Variants in CSMD1 observed in about 807,000 individuals in gnomAD.
The protein encoded by CSMD1 is CUB and sushi domain-containing protein 1.
A neutral mutation model predicts 417.5 loss-of-function variants in CSMD1; 213 were observed. The ratio of observed to expected loss-of-function variants is 0.51; its 90% CI spans 0.46 to 0.57. CSMD1 has a LOEUF of 0.57. Among genes scored for constraint, CSMD1 ranks in the 20% least tolerant of loss-of-function variants. CSMD1 has a pLI of 0.00. For missense variants in CSMD1, 6,923 were observed against 4,529.7 expected (o/e 1.53, Z -15.17); for synonymous variants, 2,862 against 1,736.8 (o/e 1.65, Z -16.11).
rs747666674 is a variant in CSMD1 at position 3,644,724 on chromosome 8, T to G, written c.1010-27927A>C. 3.1e-4 allele frequency among the ~76,000 whole-genome samples: 47 copies of G among 152,142 alleles called. 1 individual carries two copies. The highest frequency in any genetic ancestry group is 5.4e-4 in the Non-Finnish European group (37 of 68,006). ...AGTTACAGGGTTTATTTGTGGGGCC[T>G]GTCAGGGGGGTGCAGTGCCAGCAGA... On this transcript the variant is annotated intron_variant, in intron 7 of 69. Coordinates refer to ENST00000635120, the MANE Select transcript of CSMD1 (RefSeq NM_033225.6).
intron 1 of CSMD1, among the ~76,000 whole-genome samples, chr8:4,662,551 G>C (rs1315346712): frequency 6.6e-6 from 1 of 152,162 alleles, no homozygotes; most frequent in African/African-American, 2.4e-5. Flanking sequence ...CGTCTCCCTG[G>C]AGAATGCTAA....
chr8:3,454,364 G>A (rs550611411), intron 12 of CSMD1, among the ~76,000 whole-genome samples: 2 of 152,280 alleles, frequency 1.3e-5, no homozygotes, highest in South Asian at 4.1e-4. Context: ...TATGATGTTA[G>A]CTGGTTATTT....
At chr8:3,738,069 T>C (rs908336388) in intron 6 of CSMD1, among the ~76,000 whole-genome samples, 3 of 152,232 alleles carry the variant, frequency 2.0e-5, no homozygotes, top group Admixed American at 6.5e-5. Context: ...CTAATGTAAA[T>C]GATTACTATA....
At chr8:3,209,441 C>T (rs905473703) in intron 30 of CSMD1, among the ~76,000 whole-genome samples, 2 of 151,984 alleles carry the variant, frequency 1.3e-5, no homozygotes, top group South Asian at 2.1e-4. Flanking sequence ...CTCAGCCTCC[C>T]GAGTAGCTGG....
intron 5 of CSMD1, among the ~76,000 whole-genome samples, chr8:3,757,866 A>G (rs1797747479): frequency 6.6e-6 from 1 of 151,500 alleles, no homozygotes; most frequent in Non-Finnish European, 1.5e-5. Context: ...CAAACAAACA[A>G]ACAAAAAAAA....
intron 3 of CSMD1, among the ~76,000 whole-genome samples, chr8:4,209,767 G>A (rs1160136045): frequency 6.6e-6 from 1 of 152,152 alleles, no homozygotes; most frequent in Non-Finnish European, 1.5e-5. Flanking sequence ...TACACCATAG[G>A]CCATGTGCCC....
intron 41 of CSMD1, among the ~76,000 whole-genome samples, chr8:3,119,861 G>A (rs1817094671): frequency 1.3e-5 from 2 of 152,168 alleles, no homozygotes; most frequent in Admixed American, 1.3e-4. Flanking sequence ...TCAGCGCCAG[G>A]CAACACAATG....
chr8:4,510,231 G>GAGTC (rs1802740961), intron 2 of CSMD1, among the ~76,000 whole-genome samples: 1 of 151,846 alleles, frequency 6.6e-6, no homozygotes. Flanking sequence ...GTGGAACTGT[G>GAGTC]AGTCAATTAA....
At chr8:4,359,514 C>G (rs545033178) in intron 3 of CSMD1, among the ~76,000 whole-genome samples, 2 of 152,182 alleles carry the variant, frequency 1.3e-5, no homozygotes, top group Non-Finnish European at 2.9e-5. Flanking sequence ...CTTCCCCAAC[C>G]TTGCAAATAG....
At chr8:3,368,024 C>T (rs1156357476) in intron 19 of CSMD1, among the ~76,000 whole-genome samples, 1 of 152,106 alleles carries the variant, frequency 6.6e-6, no homozygotes, top group Non-Finnish European at 1.5e-5. Context: ...AGCATATGAC[C>T]TCATAGTAAC....
chr8:3,707,184 T>C (rs1161324660), intron 7 of CSMD1, among the ~76,000 whole-genome samples: 1 of 152,226 alleles, frequency 6.6e-6, no homozygotes, highest in Non-Finnish European at 1.5e-5. Context: ...GTGATAAAGA[T>C]GTAGGTCAAT....
At chr8:4,397,150 T>A (rs1470427596) in intron 3 of CSMD1, among the ~76,000 whole-genome samples, 3 of 152,158 alleles carry the variant, frequency 2.0e-5, no homozygotes, top group African/African-American at 7.2e-5. Flanking sequence ...GCAATCACTC[T>A]CATTTCTACG....
chr8:4,227,491 G>A (rs1364483753), intron 3 of CSMD1, among the ~76,000 whole-genome samples: 1 of 152,084 alleles, frequency 6.6e-6, no homozygotes, highest in Non-Finnish European at 1.5e-5. Context: ...CTGTGCCCTT[G>A]AGGCTGGAGG....
At chr8:4,239,284 ACTT>A (rs1387703830) in intron 3 of CSMD1, among the ~76,000 whole-genome samples, 34 of 152,316 alleles carry the variant, frequency 2.2e-4, no homozygotes, top group Admixed American at 7.2e-4. Flanking sequence ...TGTTGCATCA[ACTT>A]CTTCTTTTTG....
intron 50 of CSMD1, 117 bp downstream of exon 50, chr8:3,052,345 C>G (rs532823705): frequency 1.5e-6 from 1 of 682,180 alleles, no homozygotes; most frequent in Non-Finnish European, 2.4e-6. Flanking sequence ...ATGAAAGACA[C>G]CAAATCCTCA....
At chr8:4,296,541 A>G (rs1357233981) in intron 3 of CSMD1, among the ~76,000 whole-genome samples, 1 of 152,098 alleles carries the variant, frequency 6.6e-6, no homozygotes, top group African/African-American at 2.4e-5. Flanking sequence ...AGCATTATTC[A>G]CTACTCATAA....
chr8:3,576,074 C>A (rs1800139144), intron 9 of CSMD1, among the ~76,000 whole-genome samples: 1 of 152,182 alleles, frequency 6.6e-6, no homozygotes. Flanking sequence ...AGCCCATCCT[C>A]TATTTTTTCA....
chr8:4,046,182 A>G (rs965280527), intron 3 of CSMD1, among the ~76,000 whole-genome samples: 1 of 152,070 alleles, frequency 6.6e-6, no homozygotes, highest in Non-Finnish European at 1.5e-5. Flanking sequence ...TTATATGTGT[A>G]TGTGTGCGTG....
At chr8:3,631,793 C>T (rs147942719) in intron 7 of CSMD1, among the ~76,000 whole-genome samples, 203 of 152,256 alleles carry the variant, frequency 1.3e-3, no homozygotes, top group African/African-American at 4.6e-3. Context: ...ACTGGGATTT[C>T]TCTGCCTTAG....
Sources: gnomAD v4.1 joint callset for allele counts (sites outside exome capture counted in the v4.1 genomes callset) on GRCh38, gnomAD v4.1.1 for gene constraint, MANE v1.5 for transcripts, NCBI Gene and HGNC (gene_info 2026-07-23, HGNC 2026-07-21) for gene names.